The following THSD7B variants were observed in gnomAD, a reference collection of about 807,000 sequenced individuals.
THSD7B encodes thrombospondin type-1 domain-containing protein 7B.
A neutral mutation model predicts 213.6 loss-of-function variants in THSD7B; 138 were observed. That is an observed-to-expected ratio of 0.65 (90% confidence interval 0.56 to 0.74). THSD7B has a LOEUF of 0.74. Ranked by LOEUF, THSD7B falls within the 30% of genes least tolerant of loss-of-function variation. The pLI is 0.00. For missense variants in THSD7B, 1,931 were observed against 1,991.5 expected (o/e 0.97, Z 0.58); for synonymous variants, 742 against 687.0 (o/e 1.08, Z -1.25).
At chr2:136,769,349 C>T (rs989329823) in intron 1 of THSD7B, among the ~76,000 whole-genome samples, 7 of 152,116 alleles carry the variant, frequency 4.6e-5, no homozygotes, top group Non-Finnish European at 8.8e-5. Context: ...GGTTATAGTC[C>T]ACCGGTGATT....
At chr2:137,631,476 C>G (rs1682740782) in intron 20 of THSD7B, among the ~76,000 whole-genome samples, 2 of 152,274 alleles carry the variant, frequency 1.3e-5, no homozygotes, top group South Asian at 4.1e-4. Flanking sequence ...ACCCAGCCTA[C>G]TTCTTGTGTT....
At chr2:136,784,348 C>T (rs536149235) in intron 1 of THSD7B, among the ~76,000 whole-genome samples, 1 of 152,246 alleles carries the variant, frequency 6.6e-6, no homozygotes, top group African/African-American at 2.4e-5. Context: ...TTATTTGGTT[C>T]ATTCCTTCTA....
intron 3 of THSD7B, among the ~76,000 whole-genome samples, chr2:137,083,896 T>C (rs1324907898): frequency 1.3e-5 from 2 of 152,158 alleles, no homozygotes. Context: ...ACTGTATGAT[T>C]AAGAGTTTCT....
At chr2:137,138,799 G>A (rs1054657291) in intron 5 of THSD7B, among the ~76,000 whole-genome samples, 1 of 152,124 alleles carries the variant, frequency 6.6e-6, no homozygotes, top group East Asian at 1.9e-4. Context: ...CAAATTTAAA[G>A]TATGTTTCTA....
At chr2:137,587,595 G>A (rs1364909865) in intron 17 of THSD7B, among the ~76,000 whole-genome samples, 1 of 152,204 alleles carries the variant, frequency 6.6e-6, no homozygotes, top group Non-Finnish European at 1.5e-5. Context: ...GTTTGCTGGA[G>A]GTCCACTCCA....
intron 2 of THSD7B, among the ~76,000 whole-genome samples, chr2:137,043,989 A>C (rs1300540250): frequency 6.6e-6 from 1 of 152,020 alleles, no homozygotes; most frequent in Non-Finnish European, 1.5e-5. Flanking sequence ...ATCTCACTCC[A>C]CGCTCCTCTA....
intron 12 of THSD7B, among the ~76,000 whole-genome samples, chr2:137,340,300 A>G (rs1684732853): frequency 6.6e-6 from 1 of 151,898 alleles, no homozygotes. Context: ...TAAAGGTTTT[A>G]GGAGGAATTC....
chr2:137,648,881 A>G (rs562840027), intron 21 of THSD7B, among the ~76,000 whole-genome samples: 2 of 152,144 alleles, frequency 1.3e-5, no homozygotes, highest in Admixed American at 6.5e-5. Context: ...TTAAATTCCC[A>G]CCAACAGTGT....
intron 9 of THSD7B, among the ~76,000 whole-genome samples, chr2:137,237,046 G>T (rs1364004312): frequency 6.7e-6 from 1 of 149,896 alleles, no homozygotes; most frequent in Admixed American, 6.8e-5. Flanking sequence ...GGGAGGCAGA[G>T]CTTGCAGTGA....
At chr2:136,866,901 T>C (rs1489374491) in intron 1 of THSD7B, among the ~76,000 whole-genome samples, 3 of 152,008 alleles carry the variant, frequency 2.0e-5, no homozygotes, top group Non-Finnish European at 2.9e-5. Context: ...TGGTAATCAA[T>C]TTTCCATATG....
At chr2:136,933,108 A>ATTCATTCCTTCCTTCCTTCC (rs1332713279) in intron 2 of THSD7B, among the ~76,000 whole-genome samples, 13 of 130,694 alleles carry the variant, frequency 9.9e-5, no homozygotes, top group African/African-American at 3.3e-4. Flanking sequence ...TTTGCCCGCC[A>ATTCATTCCTTCCTTCCTTCC]TTCCTTCCTT....
chr2:137,120,881 CT>C (rs1380158519), intron 5 of THSD7B, among the ~76,000 whole-genome samples: 1 of 152,182 alleles, frequency 6.6e-6, no homozygotes, highest in Non-Finnish European at 1.5e-5. Context: ...AATCCCCACT[CT>C]TTTTGCAGAG....
intron 15 of THSD7B, among the ~76,000 whole-genome samples, chr2:137,479,172 AC>A (rs1384192133): frequency 6.6e-6 from 1 of 152,170 alleles, no homozygotes; most frequent in Non-Finnish European, 1.5e-5. Flanking sequence ...AGTGGTCTAC[AC>A]TAGTGTTAGT....
intron 2 of THSD7B, among the ~76,000 whole-genome samples, chr2:137,011,056 T>A (rs1383364079): frequency 6.6e-6 from 1 of 152,220 alleles, no homozygotes; most frequent in Non-Finnish European, 1.5e-5. Context: ...CTTTGATTTA[T>A]CTTCCTAATA....
At chr2:137,030,048 T>C (rs1686634019) in intron 2 of THSD7B, among the ~76,000 whole-genome samples, 1 of 151,766 alleles carries the variant, frequency 6.6e-6, no homozygotes, top group African/African-American at 2.4e-5. Flanking sequence ...CCACAAGGAT[T>C]TTCTGGTGCA....
At chr2:137,484,341 G>T (rs1350548203) in intron 15 of THSD7B, among the ~76,000 whole-genome samples, 1 of 145,716 alleles carries the variant, frequency 6.9e-6, no homozygotes, top group East Asian at 2.0e-4. Flanking sequence ...CCCTACAAAG[G>T]ACATGAACTC....
intron 14 of THSD7B, among the ~76,000 whole-genome samples, chr2:137,450,018 G>A (rs1252417493): frequency 6.6e-6 from 1 of 152,138 alleles, no homozygotes; most frequent in East Asian, 1.9e-4. Context: ...AGGAACACAA[G>A]AGAAGTATAA....
chr2:136,960,870 G>A (rs1459516331), intron 2 of THSD7B, among the ~76,000 whole-genome samples: 6 of 151,604 alleles, frequency 4.0e-5, no homozygotes, highest in Non-Finnish European at 7.4e-5. Context: ...TGGGCGGATC[G>A]CAAGGTCAGG....
At chr2:137,595,885 T>C (rs1681948443) in intron 17 of THSD7B, among the ~76,000 whole-genome samples, 1 of 151,902 alleles carries the variant, frequency 6.6e-6, no homozygotes, top group Non-Finnish European at 1.5e-5. Flanking sequence ...ATTCAAATCA[T>C]TAAATAGTAT....
Sources: gnomAD v4.1 joint callset for allele counts (sites outside exome capture counted in the v4.1 genomes callset) on GRCh38, gnomAD v4.1.1 for gene constraint, MANE v1.5 for transcripts, NCBI Gene and HGNC (gene_info 2026-07-23, HGNC 2026-07-21) for gene names.